The following ARHGAP28 variants were observed in gnomAD, a reference collection of about 807,000 sequenced individuals.
ARHGAP28 encodes the protein Rho GTPase activating protein 28.
Under a neutral mutation model 90.7 loss-of-function variants are expected in ARHGAP28, and 56 were observed. The ratio of observed to expected loss-of-function variants is 0.62; its 90% CI spans 0.50 to 0.77. The LOEUF (loss-of-function observed/expected upper bound fraction) is 0.77, where lower values mean the gene tolerates loss of function less well. Ranked by LOEUF, ARHGAP28 falls within the 30% of genes least tolerant of loss-of-function variation. ARHGAP28 has a pLI of 0.00. For missense variants in ARHGAP28, 869 were observed against 900.9 expected, an observed-to-expected ratio of 0.96 and a Z score of 0.45; for synonymous variants, 308 against 323.3, an observed-to-expected ratio of 0.95 and a Z score of 0.51.
rs1032405996 is a variant in ARHGAP28, at chr18:6,824,831, C to T, written c.192C>T (p.Phe64=). ...LSNESLHPPA[F]SRSNSEASVD... ...ATGAATCCCTCCATCCTCCTGCCTT[C>T]AGCCGTTCCAACTCAGAAGCCTCCG... is the stretch of plus-strand genomic sequence containing the variant. The change falls in exon 2 of 18, where the codon TTC becomes TTT. Residue 64 remains phenylalanine (F), a synonymous_variant. Transcript: ENST00000383472. 2.0e-6 allele frequency: 3 copies of T among 1,536,394 alleles called. No homozygotes were observed. The highest frequency in any genetic ancestry group is 2.6e-6 in the Non-Finnish European group (3 of 1,146,986).
intron 16 of ARHGAP28, among the ~76,000 whole-genome samples, chr18:6,903,304 C>T (rs367844051): frequency 1.5e-4 from 23 of 152,076 alleles, no homozygotes; most frequent in African/African-American, 5.1e-4. Context: ...TGATACATTT[C>T]GTTATATGTA....
intron 1 of ARHGAP28, among the ~76,000 whole-genome samples, chr18:6,777,602 G>A (rs184389008): frequency 6.6e-6 from 1 of 152,224 alleles, no homozygotes; most frequent in East Asian, 1.9e-4. Flanking sequence ...GCATTCGCCT[G>A]TAGTTCCAGT....
intron 1 of ARHGAP28, among the ~76,000 whole-genome samples, chr18:6,759,996 T>A (rs981603635): frequency 6.6e-6 from 1 of 152,184 alleles, no homozygotes; most frequent in Non-Finnish European, 1.5e-5. Context: ...GAGAAACTTG[T>A]GATCAAAACA....
At position 6,824,815 on chromosome 18, in the gene ARHGAP28, T is replaced by G. The variant is rs761027204; in HGVS notation, c.176T>G (p.Leu59Arg). ...AACAGGATGCTCTCCAATGAATCCC[T>G]CCATCCTCCTGCCTTCAGCCGTTCC... is the stretch of plus-strand genomic sequence containing the variant. ...RINRMLSNESLHPPAFSRSNS... is the reference protein window; with the variant it reads ...RINRMLSNESRHPPAFSRSNS... The change falls in exon 2 of 18, where the codon CTC becomes CGC. Residue 59 changes from leucine to arginine, a missense_variant. By Grantham distance (102) the Leu-to-Arg change is moderately radical (BLOSUM62 -2). Transcript: ENST00000383472. 1 of 1,536,358 alleles carries G rather than the reference T, an allele frequency of 6.5e-7. No individual in the cohort carries two copies. Among genetic ancestry groups the G allele is most frequent in the South Asian group, 1.2e-5 (1 of 84,030 alleles).
chr18:6,770,482 G>GA (rs2056233671), intron 1 of ARHGAP28, among the ~76,000 whole-genome samples: 1 of 152,166 alleles, frequency 6.6e-6, no homozygotes, highest in Admixed American at 6.5e-5. Context: ...GTTAGATGAA[G>GA]AAAAAAGACT....
chr18:6,863,982 A>T (rs978756959), intron 5 of ARHGAP28, among the ~76,000 whole-genome samples: 4 of 152,022 alleles, frequency 2.6e-5, no homozygotes, highest in African/African-American at 9.7e-5. Context: ...ACAGGGTTTC[A>T]CCATGTTGGT....
At chr18:6,898,524 A>T in intron 16 of ARHGAP28, 1 of 1,614,144 alleles carries the variant, frequency 6.2e-7, no homozygotes, top group Non-Finnish European at 8.5e-7. Flanking sequence ...GACCAACAGG[A>T]GCCCCAAACA....
rs1567984317 is a variant in ARHGAP28, at chr18:6,890,453, A to G, written c.1758A>G (p.Gln586=). 1 of 1,612,676 alleles carries G rather than the reference A, an allele frequency of 6.2e-7. No homozygotes were observed. Among genetic ancestry groups the G allele is most frequent in the Middle Eastern group, 1.7e-4 (1 of 6,050 alleles). The change falls in exon 14 of 18, where the codon CAA becomes CAG. Residue 586 remains glutamine, a synonymous_variant. Transcript: ENST00000383472. The part of the protein sequence containing the change: ...LWKVPSFLIT[Q]VRRMNEATML... ...AGGTTCCATCTTTCTTAATCACTCA[A>G]GTAAGAAGAATGAATGAAGCCACGA...
At chr18:6,793,219 A>G (rs2056418588) in intron 1 of ARHGAP28, among the ~76,000 whole-genome samples, 2 of 152,196 alleles carry the variant, frequency 1.3e-5, no homozygotes, top group African/African-American at 4.8e-5. Context: ...TACAATTGTA[A>G]GGTCCATCAT....
chr18:6,768,899 A>G (rs1361298138), intron 1 of ARHGAP28, among the ~76,000 whole-genome samples: 1 of 152,076 alleles, frequency 6.6e-6, no homozygotes, highest in Admixed American at 6.6e-5. Context: ...CAGGCATCAC[A>G]TCTTCTGTTG....
chr18:6,842,343 G>A (rs114652025), intron 3 of ARHGAP28, among the ~76,000 whole-genome samples: 3 of 152,086 alleles, frequency 2.0e-5, no homozygotes, highest in African/African-American at 7.2e-5. Flanking sequence ...CTCCAGCCTG[G>A]AAGACAGAAT....
rs961377313 is a variant in ARHGAP28 at position 6,850,604 on chromosome 18, G to A, written c.544-430G>A. ...CACCATGTCCATGCTTCTGAAAGAC[G>A]CTGACTTCATCCACTTTCACAAGAA... On this transcript the variant is annotated intron_variant, in intron 3 of 17. Transcript: ENST00000383472. Among the ~76,000 whole-genome samples, 21 of 152,154 alleles carry A rather than the reference G, an allele frequency of 1.4e-4. 1 individual carries two copies. The highest frequency in any genetic ancestry group is 2.4e-5 in the African/African-American group (1 of 41,412).
intron 1 of ARHGAP28, among the ~76,000 whole-genome samples, chr18:6,822,314 A>G (rs1012340100): frequency 6.6e-6 from 1 of 152,142 alleles, no homozygotes; most frequent in Admixed American, 6.5e-5. Context: ...TTAGATATCC[A>G]TATACTTTTT....
intron 1 of ARHGAP28, among the ~76,000 whole-genome samples, chr18:6,737,831 C>T (rs150812289): frequency 6.8e-4 from 103 of 152,212 alleles, no homozygotes; most frequent in African/African-American, 2.4e-3. Context: ...TCTATATATG[C>T]GTCTTCTTAA....
At chr18:6,871,922 G>T (rs1394423605) in intron 7 of ARHGAP28, among the ~76,000 whole-genome samples, 1 of 152,146 alleles carries the variant, frequency 6.6e-6, no homozygotes, top group African/African-American at 2.4e-5. Flanking sequence ...CCATTTTACA[G>T]CTGAGGAAAC....
chr18:6,773,539 G>A lies in ARHGAP28; in HGVS notation c.122+43596G>A, dbSNP rs535396494. Among the ~76,000 whole-genome samples, 5 of 152,274 alleles carry A rather than the reference G, an allele frequency of 3.3e-5. No individual in the cohort carries two copies. The South Asian group carries it at 1.0e-3, about 32-fold the overall frequency. ...TCAGATGGAAAATCTGAGGCCCAAA[G>A]AGAATCTGTGAATTTCAGAAGGGCT... On this transcript the variant is annotated intron_variant, in intron 1 of 17. Coordinates refer to ENST00000383472, the MANE Select transcript of ARHGAP28 (RefSeq NM_001366230.1).
At chr18:6,863,708 T>A (rs1600259658) in intron 5 of ARHGAP28, among the ~76,000 whole-genome samples, 1 of 151,704 alleles carries the variant, frequency 6.6e-6, no homozygotes, top group East Asian at 1.9e-4. Context: ...ATAATTTGTA[T>A]ATATTTTTGA....
intron 1 of ARHGAP28, among the ~76,000 whole-genome samples, chr18:6,777,135 G>C (rs2056290245): frequency 6.6e-6 from 1 of 152,148 alleles, no homozygotes; most frequent in African/African-American, 2.4e-5. Flanking sequence ...AACCAGTTAG[G>C]CGGTGCAATA....
intron 1 of ARHGAP28, among the ~76,000 whole-genome samples, chr18:6,750,982 C>T (rs1298737368): frequency 6.6e-6 from 1 of 152,010 alleles, no homozygotes; most frequent in Non-Finnish European, 1.5e-5. Flanking sequence ...TTTATTATTT[C>T]CAAAGGTAAT....
Sources: allele counts gnomAD v4.1 joint callset (sites outside exome capture counted in the v4.1 genomes callset), GRCh38; gene constraint gnomAD v4.1.1; transcripts MANE v1.5; gene names NCBI Gene and HGNC (gene_info 2026-07-23, HGNC 2026-07-21).